Variants in DOK5 observed in about 807,000 individuals in gnomAD.
DOK5 encodes docking protein 5.
A neutral mutation model predicts 43.3 loss-of-function variants in DOK5; 27 were observed. That is an observed-to-expected ratio of 0.62 (90% CI 0.46 to 0.86). The LOEUF (loss-of-function observed/expected upper bound fraction) is 0.86. Among genes scored for constraint, DOK5 ranks in the 40% least tolerant of loss-of-function variants. The pLI, the probability that DOK5 is intolerant of heterozygous loss-of-function variation, is 0.00. For synonymous variants in DOK5, 146 were observed against 140.1 expected, an observed-to-expected ratio of 1.04 and a Z score of -0.30; for missense variants, 373 against 392.9, an observed-to-expected ratio of 0.95 and a Z score of 0.43.
chr20:54,531,862 C>T (rs1422553241), intron 1 of DOK5, among the ~76,000 whole-genome samples: 1 of 152,198 alleles, frequency 6.6e-6, no homozygotes, highest in Non-Finnish European at 1.5e-5. Flanking sequence ...ATAAAGCAGG[C>T]TCTGCCCCTC....
At chr20:54,534,029 T>C (rs1983868736) in intron 1 of DOK5, among the ~76,000 whole-genome samples, 1 of 152,206 alleles carries the variant, frequency 6.6e-6, no homozygotes, top group Non-Finnish European at 1.5e-5. Flanking sequence ...AGGAGTAAAT[T>C]CCTGAAGAAT....
rs568911078 is a variant in DOK5, at chr20:54,543,748, C to G, written c.67-11185C>G. Among the ~76,000 whole-genome samples, 221 of 152,176 alleles carry G rather than the reference C, an allele frequency of 1.5e-3. 4 individuals are homozygous for G. Among genetic ancestry groups the G allele is most frequent in the Admixed American group, 0.014 (218 of 15,266 alleles). On this transcript the variant is annotated intron_variant, in intron 1 of 7. Coordinates refer to ENST00000262593, the MANE Select transcript of DOK5 (RefSeq NM_018431.5). ...ACAGATTAAAAAGCAGGGGCAACCT[C>G]CTTTATGTACTTAATAACTGACAAA... is the stretch of plus-strand genomic sequence containing the variant.
chr20:54,539,150 T>C (rs1180145139), intron 1 of DOK5, among the ~76,000 whole-genome samples: 1 of 151,244 alleles, frequency 6.6e-6, no homozygotes, highest in East Asian at 1.9e-4. Flanking sequence ...ATTAGCCAGG[T>C]GTGGCAGCCT....
chr20:54,588,379 T>C, intron 2 of DOK5, 104 bp from the exon 3 acceptor site: 1 of 863,732 alleles, frequency 1.2e-6, no homozygotes, highest in South Asian at 1.5e-5. Context: ...CAGGTTGTGC[T>C]CAGCTGTGCT....
chr20:54,607,880 C>G (rs1214457411), intron 5 of DOK5, among the ~76,000 whole-genome samples: 1 of 114,530 alleles, frequency 8.7e-6, no homozygotes, highest in African/African-American at 6.6e-5. Context: ...GAGACTCCAT[C>G]TAAAACAAAA....
At chr20:54,591,546 C>G (rs1292342057) in intron 4 of DOK5, 70 bp from the exon 5 acceptor site, 2 of 1,234,996 alleles carry the variant, frequency 1.6e-6, no homozygotes, top group Non-Finnish European at 2.2e-6. Flanking sequence ...TTAAATGCCT[C>G]TATGTTCCTA....
chr20:54,633,240 G>A (rs1978653778), intron 6 of DOK5, among the ~76,000 whole-genome samples: 4 of 152,130 alleles, frequency 2.6e-5, no homozygotes, highest in Non-Finnish European at 5.9e-5. Flanking sequence ...GAAAGCATAG[G>A]GAGATCATGT....
intron 1 of DOK5, among the ~76,000 whole-genome samples, chr20:54,546,282 C>T (rs573948396): frequency 1.3e-4 from 20 of 152,296 alleles, no homozygotes; most frequent in African/African-American, 4.6e-4. Flanking sequence ...CAATGCTAGG[C>T]ATTAATATTA....
At chr20:54,615,510 A>G (rs1600738626) in intron 6 of DOK5, among the ~76,000 whole-genome samples, 1 of 152,236 alleles carries the variant, frequency 6.6e-6, no homozygotes, top group East Asian at 1.9e-4. Context: ...AGAGACAGAG[A>G]TAGAGAAGGG....
At chr20:54,609,569 C>G (rs78994644) in intron 5 of DOK5, among the ~76,000 whole-genome samples, 4,487 of 151,814 alleles carry the variant, frequency 0.03, 228 homozygotes, top group African/African-American at 0.1. Flanking sequence ...TATATATACA[C>G]ACACTAAAAT....
rs531198367 is a variant in DOK5 at position 54,549,844 on chromosome 20, T to C, written c.67-5089T>C. On this transcript the variant is annotated intron_variant, in intron 1 of 7. Transcript: ENST00000262593. ...TTTCTGAACACATTCTTGGGGCATGTACAAAAGCAAGAGGTTGCCAATAGT... is the reference window on the plus strand; with the variant it reads ...TTTCTGAACACATTCTTGGGGCATGCACAAAAGCAAGAGGTTGCCAATAGT... Among the ~76,000 whole-genome samples, 123 of 152,304 alleles carry C rather than the reference T, an allele frequency of 8.1e-4. 2 individuals are homozygous for C. The highest frequency in any genetic ancestry group is 2.2e-3 in the Admixed American group (33 of 15,304).
intron 1 of DOK5, among the ~76,000 whole-genome samples, chr20:54,496,682 C>T (rs1982406714): frequency 6.9e-6 from 1 of 144,252 alleles, no homozygotes; most frequent in African/African-American, 2.6e-5. Context: ...AGGAGAATGG[C>T]ATGAACACGG....
intron 1 of DOK5, chr20:54,476,258 AGCCC>A: frequency 2.2e-6 from 2 of 913,782 alleles, no homozygotes; most frequent in Non-Finnish European, 2.6e-6. Context: ...GGGCTTCAGT[AGCCC>A]CTGGAGCCCA....
intron 6 of DOK5, among the ~76,000 whole-genome samples, chr20:54,641,909 T>A (rs1174509754): frequency 1.3e-5 from 2 of 152,172 alleles, no homozygotes; most frequent in Admixed American, 1.3e-4. Context: ...CCAATGAACA[T>A]CTTGCATAAA....
At chr20:54,545,931 T>A (rs769119716) in intron 1 of DOK5, among the ~76,000 whole-genome samples, 1 of 152,214 alleles carries the variant, frequency 6.6e-6, no homozygotes, top group Non-Finnish European at 1.5e-5. Context: ...TAAGTGTCTC[T>A]TTTTAGATTA....
intron 2 of DOK5, among the ~76,000 whole-genome samples, chr20:54,576,198 T>C (rs1381084965): frequency 6.6e-6 from 1 of 152,200 alleles, no homozygotes; most frequent in African/African-American, 2.4e-5. Flanking sequence ...TGGATAAAAG[T>C]ATAATAATCC....
At chr20:54,608,469 T>C (rs6098108) in intron 5 of DOK5, among the ~76,000 whole-genome samples, 59,126 of 152,038 alleles carry the variant, frequency 0.39, 15,563 homozygotes, top group African/African-American at 0.74. Context: ...GAAGAGGAAG[T>C]AGAAAGGGTT....
intron 1 of DOK5, among the ~76,000 whole-genome samples, chr20:54,486,517 T>C (rs373239504): frequency 6.6e-5 from 10 of 152,276 alleles, no homozygotes; most frequent in African/African-American, 2.4e-4. Flanking sequence ...AAATAATGTC[T>C]ATAACTACTA....
intron 2 of DOK5, among the ~76,000 whole-genome samples, chr20:54,573,053 AG>A (rs1215038571): frequency 2.0e-5 from 3 of 152,222 alleles, no homozygotes; most frequent in Admixed American, 2.0e-4. Flanking sequence ...GGAGGCAGAA[AG>A]GAATATATAT....
Sources: allele counts gnomAD v4.1 joint callset (sites outside exome capture counted in the v4.1 genomes callset), GRCh38; gene constraint gnomAD v4.1.1; transcripts MANE v1.5; gene names NCBI Gene and HGNC (gene_info 2026-07-23, HGNC 2026-07-21).